The following KLHL2 variants were observed in gnomAD, a reference collection of about 807,000 sequenced individuals.
KLHL2 encodes the protein kelch-like protein 2.
Under a neutral mutation model 75.8 loss-of-function variants are expected in KLHL2, and 15 were observed. That is an observed-to-expected ratio of 0.20 (90% confidence interval 0.13 to 0.30). The LOEUF is 0.30. Among genes scored for constraint, KLHL2 ranks in the 10% least tolerant of loss-of-function variants. KLHL2 has a pLI of 1.00. For synonymous variants in KLHL2, 214 were observed against 251.9 expected (o/e 0.85, Z 1.42); for missense variants, 381 against 741.0 (o/e 0.51, Z 5.64).
chr4:165,217,425 TTTTCC>T (rs1431397674), intron 1 of KLHL2, among the ~76,000 whole-genome samples: 1 of 152,158 alleles, frequency 6.6e-6, no homozygotes, highest in African/African-American at 2.4e-5. Context: ...TTATCAGTGC[TTTTCC>T]TTTCTTAGAC....
At chr4:165,258,513 G>T (rs967378953) in intron 4 of KLHL2, among the ~76,000 whole-genome samples, 2 of 151,990 alleles carry the variant, frequency 1.3e-5, no homozygotes, top group Non-Finnish European at 2.9e-5. Flanking sequence ...GTGGCTGGGG[G>T]TTTATTGTAT....
intron 5 of KLHL2, among the ~76,000 whole-genome samples, chr4:165,280,225 A>T (rs943870494): frequency 6.6e-6 from 1 of 152,220 alleles, no homozygotes; most frequent in African/African-American, 2.4e-5. Context: ...TGTGGGTGAT[A>T]GATAATAGGC....
At chr4:165,241,421 A>C (rs1400890295) in intron 4 of KLHL2, among the ~76,000 whole-genome samples, 1 of 152,208 alleles carries the variant, frequency 6.6e-6, no homozygotes, top group Non-Finnish European at 1.5e-5. Context: ...GTTGTTATTA[A>C]TGTTAAGCTG....
intron 13 of KLHL2, among the ~76,000 whole-genome samples, chr4:165,314,811 C>G (rs1746476793): frequency 6.6e-6 from 1 of 152,134 alleles, no homozygotes; most frequent in Non-Finnish European, 1.5e-5. Context: ...AAGATAGCTA[C>G]ATAGCCTTTC....
rs140631600 is a variant in KLHL2 at position 165,303,185 on chromosome 4, T to C, written c.922-2423T>C. Among the ~76,000 whole-genome samples the C allele has an allele frequency of 1.7e-4, 26 of 152,352 alleles. No individual in the cohort carries two copies. The East Asian group carries it at 4.8e-3, about 28-fold the overall frequency. On this transcript the variant is annotated intron_variant, in intron 8 of 14. Transcript: ENST00000226725. ...GTGAGTAAAGGACAAATATTACTAC[T>C]GTTCTCTGTATGTAATAGCACAGTT...
intron 8 of KLHL2, among the ~76,000 whole-genome samples, chr4:165,302,351 T>C (rs905628262): frequency 6.6e-6 from 1 of 152,252 alleles, no homozygotes; most frequent in Non-Finnish European, 1.5e-5. Flanking sequence ...TAATTTCTTA[T>C]GCTTATTATT....
chr4:165,249,891 G>A (rs1257772481), intron 4 of KLHL2, among the ~76,000 whole-genome samples: 6 of 152,164 alleles, frequency 3.9e-5, no homozygotes, highest in African/African-American at 1.4e-4. Context: ...TTGGGAGGCC[G>A]AGGCAGGTGG....
chr4:165,281,042 G>T (rs1201034370), intron 5 of KLHL2, among the ~76,000 whole-genome samples: 3 of 152,204 alleles, frequency 2.0e-5, no homozygotes, highest in African/African-American at 4.8e-5. Context: ...TGAGCTGCTT[G>T]TGGATCTCAG....
intron 4 of KLHL2, among the ~76,000 whole-genome samples, chr4:165,251,615 G>GT (rs757789262): frequency 0.028 from 3,645 of 129,744 alleles, 105 homozygotes; most frequent in African/African-American, 0.068. Context: ...TTTTTTTTTT[G>GT]TTTTTTTTTT....
At chr4:165,316,614 TACCATTAG>T (rs200008740) in intron 13 of KLHL2, among the ~76,000 whole-genome samples, 2,503 of 152,300 alleles carry the variant, frequency 0.016, 61 homozygotes, top group African/African-American at 0.056. Flanking sequence ...TAAAAGCATT[TACCATTAG>T]ACTCAGCAGT....
intron 9 of KLHL2, among the ~76,000 whole-genome samples, chr4:165,309,172 TTAAAG>T (rs1745956479): frequency 1.3e-5 from 2 of 152,164 alleles, no homozygotes; most frequent in Admixed American, 1.3e-4. Flanking sequence ...TTTGAACAAT[TTAAAG>T]TAATTATATT....
chr4:165,317,827 A>T lies in KLHL2; in HGVS notation c.1611A>T (p.Gly537=). 1 of 1,606,092 alleles carries T rather than the reference A, an allele frequency of 6.2e-7. No individual in the cohort carries two copies. The highest frequency in any genetic ancestry group is 8.5e-7 in the Non-Finnish European group (1 of 1,177,144). ...TTTTCTCTCTGTAATTTTTTAAAGG[A>T]GTTTGTGCAGTTAATGGTCTGTTAT... ...ADMNMCRRNA[G]VCAVNGLLYV... The change falls in exon 14 of 15, where the codon GGA becomes GGT. Residue 537 remains glycine, a splice_region_variant and synonymous_variant. Transcript: ENST00000226725.
At chr4:165,264,735 T>TATATAC (rs1742071423) in intron 5 of KLHL2, among the ~76,000 whole-genome samples, 1 of 79,794 alleles carries the variant, frequency 1.3e-5, no homozygotes, top group Non-Finnish European at 2.5e-5. Flanking sequence ...TATATATATA[T>TATATAC]ATATGTATAT....
chr4:165,293,352 G>C (rs1271729101), intron 5 of KLHL2, among the ~76,000 whole-genome samples: 2 of 151,882 alleles, frequency 1.3e-5, no homozygotes, highest in African/African-American at 4.8e-5. Flanking sequence ...GTGAAATCAA[G>C]GGAAAAAAAT....
intron 4 of KLHL2, among the ~76,000 whole-genome samples, chr4:165,239,671 T>C (rs189157588): frequency 8.5e-5 from 13 of 152,366 alleles, no homozygotes; most frequent in African/African-American, 3.1e-4. Flanking sequence ...GTTTTATGTG[T>C]GTTACATAAA....
At chr4:165,255,312 C>T (rs1741073815) in intron 4 of KLHL2, among the ~76,000 whole-genome samples, 1 of 152,134 alleles carries the variant, frequency 6.6e-6, no homozygotes, top group South Asian at 2.1e-4. Context: ...ATGTTAAAAA[C>T]CCCTAGAAGG....
intron 9 of KLHL2, 140 bp downstream of exon 9, chr4:165,305,865 G>T: frequency 1.6e-6 from 1 of 632,896 alleles, no homozygotes; most frequent in Non-Finnish European, 2.8e-6. Flanking sequence ...AGTAATTCAG[G>T]GGCCTCATAT....
At chr4:165,313,213 G>A in intron 11 of KLHL2, 25 bp from the exon 12 acceptor site, 1 of 1,589,844 alleles carries the variant, frequency 6.3e-7, no homozygotes, top group Non-Finnish European at 8.5e-7. Context: ...AATAAATTTG[G>A]CTTTCTATGT....
At chr4:165,239,493 G>A (rs1042885477) in intron 4 of KLHL2, among the ~76,000 whole-genome samples, 2 of 151,896 alleles carry the variant, frequency 1.3e-5, no homozygotes. Context: ...TCAAACTCTT[G>A]GGCTCAAGTG....
Sources: gnomAD v4.1 joint callset for allele counts (sites outside exome capture counted in the v4.1 genomes callset) on GRCh38, gnomAD v4.1.1 for gene constraint, MANE v1.5 for transcripts, NCBI Gene and HGNC (gene_info 2026-07-23, HGNC 2026-07-21) for gene names.